CMIP: variants seen among roughly 807,000 people sequenced by gnomAD.
CMIP encodes C-Maf-inducing protein.
Under a neutral mutation model 97.3 loss-of-function variants are expected in CMIP, and 13 were observed. The observed-to-expected ratio is 0.13, with a 90% CI of 0.09 to 0.21. The LOEUF (loss-of-function observed/expected upper bound fraction) is 0.21, where lower values mean the gene tolerates loss of function less well. Among genes scored for constraint, CMIP ranks in the 10% least tolerant of loss-of-function variants. CMIP has a pLI of 1.00. For missense variants in CMIP, 847 were observed against 1,024.9 expected (o/e 0.83, Z 2.37); for synonymous variants, 538 against 436.3 (o/e 1.23, Z -2.91).
At chr16:81,474,887 G>A (rs1482626799) in intron 1 of CMIP, among the ~76,000 whole-genome samples, 9 of 152,246 alleles carry the variant, frequency 5.9e-5, no homozygotes, top group Admixed American at 5.9e-4. Flanking sequence ...GTCGACCAGT[G>A]CTTGTCTTTG....
intron 1 of CMIP, chr16:81,517,848 G>T: frequency 1.5e-6 from 1 of 659,790 alleles, no homozygotes; most frequent in Non-Finnish European, 1.9e-6. Flanking sequence ...CTGGAGGCTT[G>T]GGAGATGCAG....
chr16:81,459,461 G>A (rs942939033), intron 1 of CMIP, among the ~76,000 whole-genome samples: 33 of 152,098 alleles, frequency 2.2e-4, no homozygotes, highest in Non-Finnish European at 4.3e-4. Flanking sequence ...CCTAACCCCA[G>A]CCACCAAGCT....
At chr16:81,529,570 G>A (rs997934864) in intron 1 of CMIP, among the ~76,000 whole-genome samples, 62 of 152,226 alleles carry the variant, frequency 4.1e-4, no homozygotes, top group African/African-American at 1.4e-3. Flanking sequence ...GCAGGATGAA[G>A]AGGATTCCGC....
chr16:81,648,784 GAAAAAAAAAAAAAAAAAAAAA>G lies in CMIP; in HGVS notation c.478-3403_478-3383del, dbSNP rs6145916. Among the ~76,000 whole-genome samples the G allele has an allele frequency of 5.5e-3, 420 of 75,742 alleles. 7 individuals are homozygous for G. Among genetic ancestry groups the G allele is most frequent in the South Asian group, 0.015 (31 of 2,046 alleles). The allele number at this position is 75,742 out of a possible 152,430, so 49.7% of individuals were successfully genotyped here. A position where few individuals can be genotyped will look rare whatever the true frequency, so the allele number is the denominator to read the frequency against. Reference sequence around the variant, plus strand: ...AGTGACAGAGCAAGACTCTGTCTCAGAAAAAAAAAAAAAAAAAAAAAAAAAAAAAAAAAAAAGCCCTGAAGA... The same window carrying G: ...AGTGACAGAGCAAGACTCTGTCTCAGAAAAAAAAAAAAAAAGCCCTGAAGA... On this transcript the variant is annotated intron_variant, in intron 3 of 20. Coordinates refer to ENST00000537098, the MANE Select transcript of CMIP (RefSeq NM_198390.3).
rs2092579614 is a variant in CMIP, at chr16:81,664,282, G to A, written c.758G>A (p.Arg253Gln). 3 of 1,601,668 alleles carry A rather than the reference G, an allele frequency of 1.9e-6. No individual in the cohort carries two copies. The highest frequency in any genetic ancestry group is 1.3e-5 in the African/African-American group (1 of 74,712). Residue 253 changes from arginine to glutamine, a missense_variant, in exon 7 of 21, where the codon CGG becomes CAG. By Grantham distance (43) the Arg-to-Gln change is conservative. Transcript: ENST00000537098. ...CEFFCKHCRE[R>Q]PRSMVVIEVF... The stretch of plus-strand genomic sequence containing the variant: ...CTCTGTCCCCAGCACTGCAGAGAGC[G>A]GCCCCGGTCCATGGTGGTCATCGAG...
At chr16:81,672,185 T>A (rs2151043853) in intron 9 of CMIP, 115 bp downstream of exon 9, 1 of 619,484 alleles carries the variant, frequency 1.6e-6, no homozygotes, top group Non-Finnish European at 3.0e-6. Flanking sequence ...GGCTGTTTAC[T>A]GGGCAGACCT....
intron 10 of CMIP, among the ~76,000 whole-genome samples, chr16:81,689,910 G>A (rs539721582): frequency 6.6e-6 from 1 of 152,324 alleles, no homozygotes; most frequent in East Asian, 1.9e-4. Flanking sequence ...ATCAAATAGG[G>A]AATCCTTTCC....
In CMIP at chr16:81,475,233, A is replaced by G. The variant is rs529890039; in HGVS notation, c.300+29692A>G. Among the ~76,000 whole-genome samples, 7 of 152,340 alleles carry G rather than the reference A, an allele frequency of 4.6e-5. No homozygotes were observed. The South Asian group carries it at 1.0e-3, about 23-fold the overall frequency. On this transcript the variant is annotated intron_variant, in intron 1 of 20. Coordinates refer to ENST00000537098, the MANE Select transcript of CMIP (RefSeq NM_198390.3). ...AAAATTGCTTTCAGATAAAGTTGAC[A>G]TGCAATAAACTGCATATTCTCCCTT...
intron 12 of CMIP, 52 bp from the exon 13 acceptor site, chr16:81,693,387 C>T (rs554731836): frequency 6.3e-7 from 1 of 1,589,928 alleles, no homozygotes; most frequent in Admixed American, 1.8e-5. Flanking sequence ...TCCCACACCT[C>T]CCACTCAGTT....
intron 3 of CMIP, chr16:81,630,743 C>G (rs1053188655): frequency 1.3e-5 from 2 of 152,200 alleles, no homozygotes; most frequent in Non-Finnish European, 2.9e-5. Context: ...GGAATTCTAT[C>G]CAGATTAATT....
At chr16:81,686,350 G>T (rs1303482025) in intron 10 of CMIP, among the ~76,000 whole-genome samples, 1 of 152,168 alleles carries the variant, frequency 6.6e-6, no homozygotes, top group Non-Finnish European at 1.5e-5. Flanking sequence ...ACATGCACAC[G>T]ACAGGCCTCA....
intron 1 of CMIP, among the ~76,000 whole-genome samples, chr16:81,451,189 G>A (rs1906187820): frequency 6.6e-6 from 1 of 152,218 alleles, no homozygotes; most frequent in Non-Finnish European, 1.5e-5. Context: ...GAGGGACCCA[G>A]TGGGAGATAA....
chr16:81,556,258 G>A (rs1016431812), intron 1 of CMIP, among the ~76,000 whole-genome samples: 2 of 152,130 alleles, frequency 1.3e-5, no homozygotes, highest in African/African-American at 4.8e-5. Context: ...ATGGGGGAAT[G>A]CCTTCTGCTG....
At position 81,652,110 on chromosome 16, in the gene CMIP, A is replaced by G; in HGVS notation, c.478-93A>G. On this transcript the variant is annotated intron_variant, in intron 3 of 20. Coordinates refer to ENST00000537098, the MANE Select transcript of CMIP (RefSeq NM_198390.3). This position sits in a 1 kb window ranked among gnomAD's most constrained non-coding sequence, Gnocchi z 5.2. Reference sequence around the variant, plus strand: ...AGTTGTCAGTTTCTCAGGGCCCTTTACACCCTAACCCATCTGATTCTTTGA... The same window carrying G: ...AGTTGTCAGTTTCTCAGGGCCCTTTGCACCCTAACCCATCTGATTCTTTGA... 1 of 1,024,022 alleles carries G rather than the reference A, an allele frequency of 9.8e-7. No individual in the cohort carries two copies. Among genetic ancestry groups the G allele is most frequent in the Non-Finnish European group, 1.5e-6 (1 of 684,270 alleles). The allele number at this position is 1,024,022 out of a possible 1,614,324, so 63.4% of individuals were successfully genotyped here.
intron 16 of CMIP, 104 bp from the exon 17 acceptor site, chr16:81,702,518 C>G (rs975569120): frequency 1.6e-6 from 2 of 1,219,898 alleles, no homozygotes; most frequent in Non-Finnish European, 2.4e-6. Context: ...CTTGTACCAC[C>G]AAGAAAATAA....
Position 81,445,469 on chromosome 16 carries a change from C to T in CMIP, c.228C>T (p.Leu76=). The T allele has an allele frequency of 6.4e-7, 1 of 1,567,312 alleles. No homozygotes were observed. Among genetic ancestry groups the T allele is most frequent in the Non-Finnish European group, 8.6e-7 (1 of 1,156,264 alleles). ...RHPRTFLSKI[L]TSKFLRRWEP... Reference sequence around the variant, plus strand: ...CGCGGACCTTTCTCAGCAAGATCCTCACCTCGAAATTCCTGAGGCGCTGGG... The same window carrying T: ...CGCGGACCTTTCTCAGCAAGATCCTTACCTCGAAATTCCTGAGGCGCTGGG... The change falls in exon 1 of 21, where the codon CTC becomes CTT. Residue 76 remains leucine, a synonymous_variant. Coordinates refer to ENST00000537098, the MANE Select transcript of CMIP (RefSeq NM_198390.3).
At chr16:81,516,517 A>ATGCTCT (rs2089917729) in intron 1 of CMIP, among the ~76,000 whole-genome samples, 1 of 152,066 alleles carries the variant, frequency 6.6e-6, no homozygotes, top group Non-Finnish European at 1.5e-5. Context: ...GGACACTCTC[A>ATGCTCT]TGCTCTTGCT....
In CMIP at chr16:81,651,463, C is replaced by T. The variant is rs1419847965; in HGVS notation, c.478-740C>T. ...TCTTGTCTTCCTCACCAGGTGGATG[C>T]GGAGGGCAGCGCTGGATTTCCCGGG... On this transcript the variant is annotated intron_variant, in intron 3 of 20. Transcript: ENST00000537098. The T allele has an allele frequency of 2.9e-5, 24 of 813,790 alleles. No individual in the cohort carries two copies. In the East Asian group the frequency reaches 2.1e-3, roughly 71 times the overall value. 50.4% of individuals were successfully genotyped at this position (813,790 alleles called of 1,614,324 possible).
At chr16:81,589,614 A>G (rs1159248912) in intron 1 of CMIP, among the ~76,000 whole-genome samples, 4 of 152,198 alleles carry the variant, frequency 2.6e-5, no homozygotes, top group African/African-American at 7.2e-5. Context: ...ATGCATGGCA[A>G]GAAAAATCCC....
Sources: allele counts gnomAD v4.1 joint callset (sites outside exome capture counted in the v4.1 genomes callset), GRCh38; gene constraint gnomAD v4.1.1; non-coding constraint Gnocchi (gnomAD v3.1); transcripts MANE v1.5; gene names NCBI Gene and HGNC (gene_info 2026-07-23, HGNC 2026-07-21).